MGMT: variants seen among roughly 807,000 people sequenced by gnomAD.
MGMT encodes the protein O-6-methylguanine-DNA methyltransferase.
Under a neutral mutation model 15.9 loss-of-function variants are expected in MGMT, and 14 were observed. The ratio of observed to expected loss-of-function variants is 0.88; its 90% CI spans 0.58 to 1.37. The LOEUF (loss-of-function observed/expected upper bound fraction) is 1.37, where lower values mean the gene tolerates loss of function less well. MGMT is among the 40% of genes most tolerant of loss of function. The pLI is 0.00. For missense variants in MGMT, 282 were observed against 268.1 expected, an observed-to-expected ratio of 1.05 and a Z score of -0.36; for synonymous variants, 130 against 118.2, an observed-to-expected ratio of 1.10 and a Z score of -0.65.
chr10:129,632,472 G>T (rs934711280), intron 2 of MGMT, among the ~76,000 whole-genome samples: 33 of 82,140 alleles, frequency 4.0e-4, no homozygotes, highest in African/African-American at 1.3e-3. Context: ...TCGCCAGTAC[G>T]GGGCAAAAGC....
intron 1 of MGMT, among the ~76,000 whole-genome samples, chr10:129,524,803 G>C (rs781230992): frequency 9.3e-5 from 14 of 151,330 alleles, no homozygotes; most frequent in Non-Finnish European, 1.6e-4. Context: ...TGTTAGCCAG[G>C]ATGGTCTGGA....
At chr10:129,492,499 C>T (rs1230599497) in intron 1 of MGMT, among the ~76,000 whole-genome samples, 5 of 152,158 alleles carry the variant, frequency 3.3e-5, no homozygotes, top group Admixed American at 1.3e-4. Flanking sequence ...CTCACTTGAC[C>T]CAGCTCTCTA....
chr10:129,542,960 C>G (rs1340746958), intron 2 of MGMT, among the ~76,000 whole-genome samples: 2 of 152,136 alleles, frequency 1.3e-5, no homozygotes, highest in African/African-American at 4.8e-5. Flanking sequence ...TATACTTCAC[C>G]CCATGCTAAA....
intron 2 of MGMT, among the ~76,000 whole-genome samples, chr10:129,633,088 A>C (rs1017383013): frequency 1.3e-5 from 2 of 152,232 alleles, no homozygotes; most frequent in Admixed American, 6.5e-5. Context: ...GATGCTGCTG[A>C]TAACAGTAAG....
At chr10:129,651,039 C>T (rs1313054716) in intron 2 of MGMT, among the ~76,000 whole-genome samples, 1 of 152,198 alleles carries the variant, frequency 6.6e-6, no homozygotes, top group African/African-American at 2.4e-5. Flanking sequence ...CTGGGAGCCA[C>T]AGGATCCTGG....
chr10:129,743,769 G>A (rs894371412), intron 3 of MGMT, among the ~76,000 whole-genome samples: 1 of 152,190 alleles, frequency 6.6e-6, no homozygotes, highest in Admixed American at 6.5e-5. Flanking sequence ...TTCCATAGCC[G>A]CTGTGTCATA....
chr10:129,737,160 A>T (rs1195130319), intron 3 of MGMT, among the ~76,000 whole-genome samples: 10 of 152,166 alleles, frequency 6.6e-5, no homozygotes, highest in Admixed American at 6.5e-4. Flanking sequence ...GTGTTTTCCA[A>T]CTTGGTTCCA....
intron 3 of MGMT, among the ~76,000 whole-genome samples, chr10:129,708,816 C>T (rs1211543021): frequency 6.6e-6 from 1 of 151,940 alleles, no homozygotes; most frequent in Non-Finnish European, 1.5e-5. Context: ...GAAAAATTAC[C>T]TTGAGATTTT....
rs1203326930 is a variant in MGMT at position 129,727,225 on chromosome 10, G to A, written c.274+19182G>A. ...GGATATGGAGGAAGTGATGGTGTGCGACTTCCGAGGCTAGGTCATAAGAGG... is the reference window on the plus strand; with the variant it reads ...GGATATGGAGGAAGTGATGGTGTGCAACTTCCGAGGCTAGGTCATAAGAGG... On this transcript the variant is annotated intron_variant, in intron 3 of 4. Transcript: ENST00000651593. Among the ~76,000 whole-genome samples the A allele has an allele frequency of 3.3e-5, 5 of 152,266 alleles. No individual in the cohort carries two copies. The South Asian group carries it at 8.3e-4, about 25-fold the overall frequency.
At chr10:129,565,217 T>C (rs1269245490) in intron 2 of MGMT, among the ~76,000 whole-genome samples, 2 of 151,830 alleles carry the variant, frequency 1.3e-5, no homozygotes, top group East Asian at 3.9e-4. Context: ...CGTGTCCCAG[T>C]GTAGTGTCAT....
chr10:129,697,004 A>G (rs901683268), intron 2 of MGMT, among the ~76,000 whole-genome samples: 1 of 152,226 alleles, frequency 6.6e-6, no homozygotes, highest in Non-Finnish European at 1.5e-5. Context: ...TTGTGTGGAC[A>G]GGTCACTGAT....
chr10:129,706,318 G>A (rs78848081), intron 2 of MGMT, among the ~76,000 whole-genome samples: 1,876 of 152,292 alleles, frequency 0.012, 18 homozygotes, highest in Middle Eastern at 0.027. Flanking sequence ...CGGCTGCATC[G>A]GCCGCCTGTG....
At chr10:129,522,240 G>A (rs11592093) in intron 1 of MGMT, among the ~76,000 whole-genome samples, 4 of 152,226 alleles carry the variant, frequency 2.6e-5, no homozygotes, top group Non-Finnish European at 4.4e-5. Flanking sequence ...AATGCACCAA[G>A]GAATGCCTGG....
chr10:129,743,876 G>C (rs1222023024), intron 3 of MGMT, among the ~76,000 whole-genome samples: 1 of 152,238 alleles, frequency 6.6e-6, no homozygotes, highest in Non-Finnish European at 1.5e-5. Flanking sequence ...AGCCAGGCCA[G>C]TTGGGCTTGA....
intron 2 of MGMT, among the ~76,000 whole-genome samples, chr10:129,704,174 A>G (rs947907856): frequency 7.9e-5 from 12 of 152,046 alleles, no homozygotes; most frequent in African/African-American, 2.7e-4. Flanking sequence ...TGTCTCTGAA[A>G]TTGAATAATA....
rs1846217296 is a variant in MGMT at position 129,556,635 on chromosome 10, A to G, written c.125+20258A>G. Reference sequence around the variant, plus strand: ...GTCCTGCTGTAGAAGAGGCGCCGCCATCCCAGACAGTGTTCATAAACACCG... The same window carrying G: ...GTCCTGCTGTAGAAGAGGCGCCGCCGTCCCAGACAGTGTTCATAAACACCG... On this transcript the variant is annotated intron_variant, in intron 2 of 4. Transcript: ENST00000651593. The surrounding 1 kb of genome is among the most constrained non-coding windows in gnomAD (Gnocchi z 4.3). 6.6e-6 allele frequency among the ~76,000 whole-genome samples: 1 copy of G among 152,210 alleles called. No homozygotes were observed. Among genetic ancestry groups the G allele is most frequent in the Non-Finnish European group, 1.5e-5 (1 of 68,028 alleles).
intron 3 of MGMT, among the ~76,000 whole-genome samples, chr10:129,752,051 C>A (rs898078096): frequency 1.3e-5 from 2 of 151,894 alleles, no homozygotes; most frequent in Non-Finnish European, 2.9e-5. Context: ...ATTTGTGTAT[C>A]TTTGCTGATT....
chr10:129,650,220 G>A (rs1847440923), intron 2 of MGMT, among the ~76,000 whole-genome samples: 2 of 152,278 alleles, frequency 1.3e-5, no homozygotes, highest in East Asian at 3.9e-4. Context: ...CTCGCCCTGG[G>A]AGGGGCTTGA....
chr10:129,749,116 T>C (rs759808121), intron 3 of MGMT, among the ~76,000 whole-genome samples: 2 of 152,334 alleles, frequency 1.3e-5, no homozygotes, highest in Middle Eastern at 3.4e-3. Flanking sequence ...CAGGATCCCC[T>C]GATCTCCTAA....
Sources: allele counts gnomAD v4.1 joint callset (sites outside exome capture counted in the v4.1 genomes callset), GRCh38; gene constraint gnomAD v4.1.1; non-coding constraint Gnocchi (gnomAD v3.1); transcripts MANE v1.5; gene names NCBI Gene and HGNC (gene_info 2026-07-23, HGNC 2026-07-21).